KALRN: variants seen among roughly 807,000 people sequenced by gnomAD.
The protein encoded by KALRN is kalirin.
KALRN carries 70 observed loss-of-function variants against 353.7 expected under a neutral mutation model. The observed-to-expected ratio is 0.20, with a 90% CI of 0.16 to 0.24. The LOEUF (loss-of-function observed/expected upper bound fraction) is 0.24. KALRN is among the 10% of genes least tolerant of loss of function. The pLI is 1.00. For synonymous variants in KALRN, 1,391 were observed against 1,434.8 expected, an observed-to-expected ratio of 0.97 and a Z score of 0.69; for missense variants, 2,791 against 3,756.7, an observed-to-expected ratio of 0.74 and a Z score of 6.72.
At chr3:124,231,667 A>G (rs183526118) in intron 2 of KALRN, among the ~76,000 whole-genome samples, 1 of 152,220 alleles carries the variant, frequency 6.6e-6, no homozygotes, top group East Asian at 1.9e-4. Context: ...ATTAAAATAC[A>G]TTAACATTTT....
In KALRN at chr3:124,470,585, C is replaced by T. The variant is rs554547757; in HGVS notation, c.4032-4078C>T. On this transcript the variant is annotated intron_variant, in intron 25 of 59. Coordinates refer to ENST00000682506, the MANE Select transcript of KALRN (RefSeq NM_001388419.1). ...TCCCCCTAAATTAAATCCTATAGAG[C>T]CGATGTAGGATTTGCCATCTGGAAG... is the stretch of plus-strand genomic sequence containing the variant. Among the ~76,000 whole-genome samples, 281 of 152,180 alleles carry T rather than the reference C, an allele frequency of 1.8e-3. 1 individual carries two copies. The highest frequency in any genetic ancestry group is 3.4e-3 in the Middle Eastern group (1 of 294).
chr3:124,326,060 C>G lies in KALRN; in HGVS notation c.1173C>G (p.Ile391Met), dbSNP rs1490848802. The change falls in exon 7 of 60, where the codon ATC (isoleucine) becomes ATG (methionine). Residue 391 changes from isoleucine (I) to methionine (M), a missense_variant. Ile to Met is a conservative substitution (Grantham distance 10). Around this residue, in one of 11 missense-constraint regions of KALRN, gnomAD observed 366 missense variants for 489.2 expected, o/e 0.75. Coordinates refer to ENST00000682506, the MANE Select transcript of KALRN (RefSeq NM_001388419.1). ...SEAGHYASQQ[I>M]KQISTQLDQE... Reference sequence around the variant, plus strand: ...CCGGTCATTATGCCTCACAACAAATCAAGCAGATCTCCACCCAGCTGGACC... The same window carrying G: ...CCGGTCATTATGCCTCACAACAAATGAAGCAGATCTCCACCCAGCTGGACC... 17 of 1,613,912 alleles carry G rather than the reference C, an allele frequency of 1.1e-5. No individual in the cohort carries two copies. The highest frequency in any genetic ancestry group is 1.4e-5 in the Non-Finnish European group (17 of 1,179,894).
chr3:124,245,656 TTC>T (rs1041160947), intron 3 of KALRN, among the ~76,000 whole-genome samples: 42 of 99,548 alleles, frequency 4.2e-4, no homozygotes, highest in African/African-American at 1.5e-3. Context: ...ATCTGTTATT[TTC>T]TGTTTTTTTT....
chr3:124,695,291 C>G (rs956716651), intron 53 of KALRN, among the ~76,000 whole-genome samples: 3 of 152,116 alleles, frequency 2.0e-5, no homozygotes, highest in African/African-American at 7.2e-5. Flanking sequence ...TTACAGTGGA[C>G]AAGTGGTAGC....
At chr3:124,692,651 T>C (rs1007514617) in intron 51 of KALRN, among the ~76,000 whole-genome samples, 4 of 152,246 alleles carry the variant, frequency 2.6e-5, no homozygotes, top group African/African-American at 9.6e-5. Flanking sequence ...AATGAGATCA[T>C]CTTTATTTAA....
At chr3:124,623,373 GAT>G (rs72497673) in intron 34 of KALRN, among the ~76,000 whole-genome samples, 70,062 of 144,608 alleles carry the variant, frequency 0.48, 17,843 homozygotes, top group East Asian at 0.82. Flanking sequence ...ACTAATAGGA[GAT>G]ATATATATAT....
At chr3:124,100,070 A>T (rs538403602) in intron 1 of KALRN, among the ~76,000 whole-genome samples, 1 of 152,310 alleles carries the variant, frequency 6.6e-6, no homozygotes, top group East Asian at 1.9e-4. Flanking sequence ...AGGCTGAGGC[A>T]GGAGAATCGC....
intron 33 of KALRN, among the ~76,000 whole-genome samples, chr3:124,523,231 G>T (rs2067307031): frequency 6.6e-6 from 1 of 152,056 alleles, no homozygotes. Context: ...CATAACACTA[G>T]CTATAGCTTT....
intron 45 of KALRN, among the ~76,000 whole-genome samples, chr3:124,662,193 CTTTTT>C (rs10549005): frequency 1.0e-5 from 1 of 96,848 alleles, no homozygotes; most frequent in Non-Finnish European, 1.9e-5. Context: ...ACCCAGAATT[CTTTTT>C]TTTTTTTTTT....
In KALRN at chr3:124,462,644, G is replaced by A. The variant is rs1459014628; in HGVS notation, c.4031+11G>A. On this transcript the variant is annotated intron_variant, in intron 25 of 59. Coordinates refer to ENST00000682506, the MANE Select transcript of KALRN (RefSeq NM_001388419.1). Reference sequence around the variant, plus strand: ...CGATTTCCATAACAAGTAGGTTTGTGGAGGGTCTCAGAGGTGCACACTTAG... The same window carrying A: ...CGATTTCCATAACAAGTAGGTTTGTAGAGGGTCTCAGAGGTGCACACTTAG... 5 of 1,521,986 alleles carry A rather than the reference G, an allele frequency of 3.3e-6. No homozygotes were observed. In the South Asian group the frequency reaches 3.4e-5, roughly 10 times the overall value. The allele number at this position is 1,521,986 out of a possible 1,614,324, so 94.3% of individuals were successfully genotyped here. A position where few individuals can be genotyped will look rare whatever the true frequency, so the allele number is the denominator to read the frequency against.
chr3:124,457,920 C>A (rs2059480791), intron 23 of KALRN, among the ~76,000 whole-genome samples: 1 of 152,076 alleles, frequency 6.6e-6, no homozygotes, highest in African/African-American at 2.4e-5. Flanking sequence ...CAGATCACAC[C>A]CTTCAGTCAG....
At chr3:124,552,920 C>T (rs538273548) in intron 33 of KALRN, among the ~76,000 whole-genome samples, 10 of 152,290 alleles carry the variant, frequency 6.6e-5, no homozygotes, top group African/African-American at 2.4e-4. Context: ...CGCCCGCCAC[C>T]ATGCCCGGCT....
At chr3:124,669,248 A>G (rs564281736) in intron 47 of KALRN, among the ~76,000 whole-genome samples, 60 of 152,338 alleles carry the variant, frequency 3.9e-4, no homozygotes, top group African/African-American at 1.4e-3. Context: ...AAACTGCAGT[A>G]TAGGTGCTAG....
At chr3:124,617,941 G>C (rs958961820) in intron 34 of KALRN, among the ~76,000 whole-genome samples, 2 of 152,158 alleles carry the variant, frequency 1.3e-5, no homozygotes, top group Non-Finnish European at 2.9e-5. Flanking sequence ...CGATACAATT[G>C]CTCTGGTGGC....
intron 1 of KALRN, among the ~76,000 whole-genome samples, chr3:124,072,814 G>A (rs144654819): frequency 1.2e-4 from 19 of 152,342 alleles, no homozygotes; most frequent in African/African-American, 3.6e-4. Flanking sequence ...GAGAAAGATT[G>A]TGTAGAAGTT....
intron 37 of KALRN, among the ~76,000 whole-genome samples, chr3:124,644,381 G>A (rs1319039080): frequency 6.6e-6 from 1 of 151,926 alleles, no homozygotes; most frequent in Admixed American, 6.6e-5. Context: ...GAGCGTGCAG[G>A]TTTATTACAT....
chr3:124,287,362 C>G (rs1320452095), intron 5 of KALRN, among the ~76,000 whole-genome samples: 1 of 151,998 alleles, frequency 6.6e-6, no homozygotes, highest in Admixed American at 6.6e-5. Flanking sequence ...TAAGGTAGCT[C>G]CTCTGCATCT....
chr3:124,456,223 T>G (rs558665853), intron 22 of KALRN, among the ~76,000 whole-genome samples: 44 of 152,332 alleles, frequency 2.9e-4, no homozygotes, highest in Admixed American at 7.2e-4. Flanking sequence ...ATGAAAGATG[T>G]TTTTATATCT....
At chr3:124,640,658 G>T (rs2081942823) in intron 37 of KALRN, among the ~76,000 whole-genome samples, 1 of 152,152 alleles carries the variant, frequency 6.6e-6, no homozygotes, top group East Asian at 1.9e-4. Flanking sequence ...CCCAGAGGAG[G>T]TAACCAAACC....
Sources: gnomAD v4.1 joint callset for allele counts (sites outside exome capture counted in the v4.1 genomes callset) on GRCh38, gnomAD v4.1.1 for gene constraint, gnomAD v4.1.1 regional missense constraint, MANE v1.5 for transcripts, NCBI Gene and HGNC (gene_info 2026-07-23, HGNC 2026-07-21) for gene names.